Variants in STS observed in about 807,000 individuals in gnomAD.
STS encodes steroid sulfatase.
A neutral mutation model predicts 26.8 loss-of-function variants in STS; 7 were observed. That is an observed-to-expected ratio of 0.26 (90% CI 0.15 to 0.49). STS has a LOEUF of 0.49. STS is among the 20% of genes least tolerant of loss of function. STS has a pLI of 0.98. For missense variants in STS, 434 were observed against 465.6 expected (o/e 0.93, Z 0.63); for synonymous variants, 199 against 189.4 (o/e 1.05, Z -0.42).
intron 2 of STS, among the ~76,000 whole-genome samples, chrX:7,204,224 A>G (rs1934137932): frequency 9.0e-6 from 1 of 111,674 alleles, no homozygotes; most frequent in South Asian, 3.7e-4. Context: ...TGTTTAATTT[A>G]TTTTTTCTTC....
intron 2 of STS, among the ~76,000 whole-genome samples, chrX:7,222,266 A>G (rs1489195808): frequency 1.8e-5 from 2 of 112,204 alleles, no homozygotes; most frequent in African/African-American, 6.5e-5. Context: ...TGCAAGAACC[A>G]TTTTAATAAA....
chrX:7,255,448 T>C (rs1457120008), intron 3 of STS, among the ~76,000 whole-genome samples: 1 of 111,955 alleles, frequency 8.9e-6, no homozygotes, highest in Non-Finnish European at 1.9e-5. Context: ...TATATTGAGA[T>C]AGTAGATAAC....
At chrX:7,278,443 T>C (rs1452121786) in intron 7 of STS, among the ~76,000 whole-genome samples, 2 of 112,272 alleles carry the variant, frequency 1.8e-5, no homozygotes, top group African/African-American at 6.5e-5. Context: ...CTCCACATGT[T>C]TGAGGGCTGT....
At chrX:7,303,541 C>T (rs1413421377) in intron 7 of STS, among the ~76,000 whole-genome samples, 1 of 110,992 alleles carries the variant, frequency 9.0e-6, no homozygotes, top group Non-Finnish European at 1.9e-5. Flanking sequence ...TATCAGCCTG[C>T]GTGGCACGAG....
At chrX:7,288,732 G>A (rs945929985) in intron 7 of STS, among the ~76,000 whole-genome samples, 16 of 107,768 alleles carry the variant, frequency 1.5e-4, no homozygotes, top group African/African-American at 5.5e-4. Flanking sequence ...TTTGGGTCTT[G>A]ATTGATCAGT....
At chrX:7,204,423 C>G (rs1934144947) in intron 2 of STS, among the ~76,000 whole-genome samples, 1 of 110,876 alleles carries the variant, frequency 9.0e-6, no homozygotes, top group South Asian at 3.8e-4. Context: ...TGTCTTTTGC[C>G]ATTTTAAAAA....
chrX:7,175,179 T>TAAAA (rs143220502), intron 1 of STS, among the ~76,000 whole-genome samples: 2 of 42,084 alleles, frequency 4.8e-5, no homozygotes, highest in African/African-American at 1.9e-4. Flanking sequence ...TCTGAGCTGG[T>TAAAA]AAAAAAAAAA....
At chrX:7,158,657 C>G (rs1415644785) in intron 1 of STS, among the ~76,000 whole-genome samples, 4 of 111,610 alleles carry the variant, frequency 3.6e-5, no homozygotes, top group African/African-American at 1.3e-4. Flanking sequence ...GAAGCTTCCC[C>G]GTGTGTGCCC....
chrX:7,151,992 G>A (rs949210525), intron 1 of STS, among the ~76,000 whole-genome samples: 41 of 110,764 alleles, frequency 3.7e-4, no homozygotes, highest in African/African-American at 1.2e-3. Context: ...TCACTCTTTC[G>A]CCCAGGCTGG....
At chrX:7,239,257 T>C in intron 2 of STS, among the ~76,000 whole-genome samples, 1 of 112,042 alleles carries the variant, frequency 8.9e-6, no homozygotes, top group Middle Eastern at 4.6e-3. Flanking sequence ...GTCAGACTAT[T>C]TTTCTTTATC....
intron 7 of STS, among the ~76,000 whole-genome samples, chrX:7,293,049 G>A (rs1266441618): frequency 9.0e-6 from 1 of 111,578 alleles, no homozygotes; most frequent in East Asian, 2.8e-4. Context: ...GGGTAGGGTG[G>A]CAGGGCTTGC....
intron 2 of STS, among the ~76,000 whole-genome samples, chrX:7,217,110 C>T (rs188902659): frequency 7.2e-5 from 8 of 110,799 alleles, no homozygotes; most frequent in Non-Finnish European, 1.1e-4. Context: ...CACCAAGGGC[C>T]AGCGAGATTC....
intron 8 of STS, among the ~76,000 whole-genome samples, chrX:7,311,849 T>G (rs1377288575): frequency 9.1e-6 from 1 of 109,555 alleles, no homozygotes; most frequent in Non-Finnish European, 1.9e-5. Flanking sequence ...GACCACTGTC[T>G]CTACAAAAAA....
chrX:7,303,175 C>T (rs894074675), intron 7 of STS, among the ~76,000 whole-genome samples: 4 of 110,775 alleles, frequency 3.6e-5, no homozygotes, highest in Non-Finnish European at 5.7e-5. Flanking sequence ...AAATAGGTTT[C>T]GCGAGATCTG....
intron 6 of STS, among the ~76,000 whole-genome samples, chrX:7,263,640 A>G (rs1042683601): frequency 1.3e-4 from 15 of 112,427 alleles, no homozygotes; most frequent in African/African-American, 4.2e-4. Flanking sequence ...CCCTGTCACT[A>G]TATGATGCAT....
At chrX:7,171,953 C>T (rs746619852) in intron 1 of STS, among the ~76,000 whole-genome samples, 1 of 111,810 alleles carries the variant, frequency 8.9e-6, no homozygotes, top group South Asian at 3.8e-4. Flanking sequence ...TTTAATTCAC[C>T]GAGTTGTACA....
chrX:7,342,324 G>C (rs770704027), intron 10 of STS, among the ~76,000 whole-genome samples: 8 of 111,501 alleles, frequency 7.2e-5, no homozygotes, highest in Non-Finnish European at 1.5e-4. Flanking sequence ...GCATGGAGGA[G>C]AACACAGCAG....
At chrX:7,262,573 GA>G (rs1923802538) in intron 6 of STS, among the ~76,000 whole-genome samples, 1 of 112,283 alleles carries the variant, frequency 8.9e-6, no homozygotes, top group African/African-American at 3.2e-5. Context: ...TATTTCAGAT[GA>G]AATTTTATGA....
chrX:7,323,941 C>G (rs1302264161), intron 8 of STS, among the ~76,000 whole-genome samples: 4 of 111,364 alleles, frequency 3.6e-5, no homozygotes, highest in African/African-American at 6.5e-5. Flanking sequence ...CTGACTCCCT[C>G]TTTCCCTTGA....
Sources: allele counts gnomAD v4.1 joint callset (sites outside exome capture counted in the v4.1 genomes callset), GRCh38; gene constraint gnomAD v4.1.1; transcripts MANE v1.5; gene names NCBI Gene and HGNC (gene_info 2026-07-23, HGNC 2026-07-21).